GRIK3: variants seen among roughly 807,000 people sequenced by gnomAD.
GRIK3 encodes the protein glutamate ionotropic receptor kainate type subunit 3.
GRIK3 carries 29 observed loss-of-function variants against 102.5 expected under a neutral mutation model. The observed-to-expected ratio is 0.28, with a 90% CI of 0.21 to 0.39. The LOEUF (loss-of-function observed/expected upper bound fraction) is 0.39, where lower values mean the gene tolerates loss of function less well. Among genes scored for constraint, GRIK3 ranks in the 10% least tolerant of loss-of-function variants. The pLI, the probability that GRIK3 is intolerant of heterozygous loss-of-function variation, is 1.00. For missense variants in GRIK3, 908 were observed against 1,252.4 expected (o/e 0.73, Z 4.15); for synonymous variants, 511 against 504.9 (o/e 1.01, Z -0.16).
In GRIK3 at chr1:36,865,625, G is replaced by A. The variant is rs554757028; in HGVS notation, c.786+4123C>T. Among the ~76,000 whole-genome samples, 224 of 152,346 alleles carry A rather than the reference G, an allele frequency of 1.5e-3. 1 individual carries two copies. Among genetic ancestry groups the A allele is most frequent in the Middle Eastern group, 3.4e-3 (1 of 294 alleles). On this transcript the variant is annotated intron_variant, in intron 5 of 15. Transcript: ENST00000373091. The stretch of plus-strand genomic sequence containing the variant: ...CCGCCCCATACTCCACTGCAGAACT[G>A]TGTGTATTGCAAGGGCTATGCCTCC...
intron 1 of GRIK3, among the ~76,000 whole-genome samples, chr1:36,969,236 T>C (rs911627103): frequency 3.3e-5 from 5 of 152,188 alleles, no homozygotes; most frequent in Admixed American, 1.3e-4. Flanking sequence ...GAAATGGACC[T>C]AAACAACTCA....
At chr1:36,990,194 C>T (rs1642349648) in intron 1 of GRIK3, among the ~76,000 whole-genome samples, 1 of 152,152 alleles carries the variant, frequency 6.6e-6, no homozygotes, top group Non-Finnish European at 1.5e-5. Context: ...TCCAGTGCCT[C>T]CCTTAGGCTT....
chr1:36,965,711 A>G (rs1378531797), intron 1 of GRIK3, among the ~76,000 whole-genome samples: 1 of 152,228 alleles, frequency 6.6e-6, no homozygotes, highest in Non-Finnish European at 1.5e-5. Flanking sequence ...TTGAGTCCCA[A>G]CGGGAATTTT....
intron 1 of GRIK3, among the ~76,000 whole-genome samples, chr1:36,999,374 G>A (rs182447166): frequency 5.4e-4 from 82 of 152,158 alleles, no homozygotes; most frequent in African/African-American, 1.6e-3. Context: ...ACTGCAAGTC[G>A]GGAGCCGGGT....
chr1:37,028,762 T>G (rs989587199), intron 1 of GRIK3, among the ~76,000 whole-genome samples: 2 of 152,206 alleles, frequency 1.3e-5, no homozygotes, highest in African/African-American at 4.8e-5. Context: ...TTATCCCACT[T>G]CTACCGCTCA....
At chr1:36,905,410 G>A (rs1310287237) in intron 1 of GRIK3, among the ~76,000 whole-genome samples, 1 of 149,752 alleles carries the variant, frequency 6.7e-6, no homozygotes, top group Non-Finnish European at 1.5e-5. Context: ...TTTCTAGAAA[G>A]TAAAAAGATA....
chr1:36,955,548 G>A (rs772898316), intron 1 of GRIK3, among the ~76,000 whole-genome samples: 6 of 151,978 alleles, frequency 3.9e-5, no homozygotes, highest in Non-Finnish European at 7.4e-5. Flanking sequence ...CGGAGAACAC[G>A]CATGCACACA....
Position 36,859,751 on chromosome 1 carries a change from G to C in GRIK3, c.960+93C>G, listed in dbSNP as rs551321092. ...CATGGAAGGTCTCAAGAAGAGAAGT[G>C]GTGGAGGGAAGAAAGAAACAAGAGG... On this transcript the variant is annotated intron_variant, in intron 6 of 15. Transcript: ENST00000373091. 10 of 1,021,622 alleles carry C rather than the reference G, an allele frequency of 9.8e-6. No homozygotes were observed. In the African/African-American group the frequency reaches 1.3e-4, roughly 13 times the overall value. The allele number at this position is 1,021,622 out of a possible 1,614,324, so 63.3% of individuals were successfully genotyped here.
chr1:36,926,989 G>C (rs1284104909), intron 1 of GRIK3, among the ~76,000 whole-genome samples: 1 of 152,166 alleles, frequency 6.6e-6, no homozygotes, highest in African/African-American at 2.4e-5. Flanking sequence ...TTCTAAAGTT[G>C]AACAGACACA....
At chr1:36,928,723 T>A (rs923287640) in intron 1 of GRIK3, among the ~76,000 whole-genome samples, 1 of 151,934 alleles carries the variant, frequency 6.6e-6, no homozygotes, top group Non-Finnish European at 1.5e-5. Context: ...GAAAAAAAAA[T>A]CCCCCCAAAC....
intron 1 of GRIK3, among the ~76,000 whole-genome samples, chr1:36,952,587 C>T (rs1362778504): frequency 6.6e-6 from 1 of 152,198 alleles, no homozygotes; most frequent in African/African-American, 2.4e-5. Context: ...TTCATTTACA[C>T]ACATAATGAA....
chr1:36,917,498 G>A (rs572818209), intron 1 of GRIK3, among the ~76,000 whole-genome samples: 20 of 152,322 alleles, frequency 1.3e-4, no homozygotes, highest in African/African-American at 3.4e-4. Flanking sequence ...ATTCCCACGT[G>A]TTGTGGGAGG....
At chr1:36,972,197 G>A (rs893698724) in intron 1 of GRIK3, among the ~76,000 whole-genome samples, 1 of 152,202 alleles carries the variant, frequency 6.6e-6, no homozygotes, top group Non-Finnish European at 1.5e-5. Flanking sequence ...TTCTGAAGGA[G>A]AATCCACAGG....
intron 1 of GRIK3, among the ~76,000 whole-genome samples, chr1:36,892,962 C>A (rs1238977764): frequency 2.0e-5 from 3 of 152,036 alleles, no homozygotes; most frequent in African/African-American, 7.2e-5. Context: ...TGTGCTGTGA[C>A]AATTATTCAA....
At chr1:36,987,837 T>C (rs533961133) in intron 1 of GRIK3, among the ~76,000 whole-genome samples, 2 of 152,104 alleles carry the variant, frequency 1.3e-5, no homozygotes, top group South Asian at 4.2e-4. Flanking sequence ...TCAAAAGAAA[T>C]CTAAGTACTG....
At chr1:36,859,547 G>A (rs946573048) in intron 6 of GRIK3, among the ~76,000 whole-genome samples, 2 of 130,524 alleles carry the variant, frequency 1.5e-5, no homozygotes, top group Admixed American at 2.0e-4. Flanking sequence ...CTGCCTTCTC[G>A]GCCTTCACAC....
intron 1 of GRIK3, among the ~76,000 whole-genome samples, chr1:37,008,357 C>T (rs1361145287): frequency 6.6e-6 from 1 of 152,220 alleles, no homozygotes; most frequent in Non-Finnish European, 1.5e-5. Flanking sequence ...TGTGTGAGGA[C>T]TGAAATGATT....
Position 36,805,122 on chromosome 1 carries a change from G to C in GRIK3, c.2430C>G (p.Asn810Lys), listed in dbSNP as rs1458619743. The C allele has an allele frequency of 6.2e-7, 1 of 1,614,196 alleles. No homozygotes were observed. The highest frequency in any genetic ancestry group is 8.5e-7 in the Non-Finnish European group (1 of 1,180,040). The part of the protein sequence containing the change: ...WRGSGCPEEE[N>K]KEASALGIQK... ...GGATCCCCAGGGCACTGGCCTCTTTGTTTTCCTCCTCAGGACACCCGCTGC... is the reference window on the plus strand; with the variant it reads ...GGATCCCCAGGGCACTGGCCTCTTTCTTTTCCTCCTCAGGACACCCGCTGC... The change falls in exon 15 of 16, where the codon AAC (asparagine) becomes AAG (lysine). Residue 810 changes from asparagine to lysine, a missense_variant. Coordinates refer to ENST00000373091, the MANE Select transcript of GRIK3 (RefSeq NM_000831.4).
At chr1:36,874,308 G>A (rs1500790) in intron 3 of GRIK3, among the ~76,000 whole-genome samples, 2,040 of 152,196 alleles carry the variant, frequency 0.013, 39 homozygotes, top group African/African-American at 0.041. Context: ...ACTTTGCTTC[G>A]GGGACAGACA....
Sources: gnomAD v4.1 joint callset for allele counts (sites outside exome capture counted in the v4.1 genomes callset) on GRCh38, gnomAD v4.1.1 for gene constraint, MANE v1.5 for transcripts, NCBI Gene and HGNC (gene_info 2026-07-23, HGNC 2026-07-21) for gene names.